The following PSMC2 variants were observed in gnomAD, a reference collection of about 807,000 sequenced individuals.
PSMC2 encodes the protein proteasome 26S subunit, ATPase 2.
A neutral mutation model predicts 53.3 loss-of-function variants in PSMC2; 7 were observed. The observed-to-expected ratio is 0.13, with a 90% CI of 0.07 to 0.25. PSMC2 has a LOEUF of 0.25. PSMC2 is among the 10% of genes least tolerant of loss of function. PSMC2 has a pLI of 1.00. For missense variants in PSMC2, 241 were observed against 544.0 expected (o/e 0.44, Z 5.54); for synonymous variants, 169 against 183.9 (o/e 0.92, Z 0.66).
chr7:103,365,097 C>CCTAA (rs1228465596), intron 8 of PSMC2, among the ~76,000 whole-genome samples: 2 of 151,010 alleles, frequency 1.3e-5, no homozygotes, highest in African/African-American at 4.9e-5. Flanking sequence ...CCTTTTATTC[C>CCTAA]CTAACTAAAA....
At position 103,353,942 on chromosome 7, in the gene PSMC2, C is replaced by T. The variant is rs776196601; in HGVS notation, c.92C>T (p.Ala31Val). 1 of 1,602,072 alleles carries T rather than the reference C, an allele frequency of 6.2e-7. No homozygotes were observed. Among genetic ancestry groups the T allele is most frequent in the South Asian group, 1.1e-5 (1 of 89,438 alleles). ...PIRALDEGDI[A>V]LLKTYGQSTY... The stretch of plus-strand genomic sequence containing the variant: ...TCAGCTCTGGATGAGGGGGATATTG[C>T]CTTGTTGAAAACTTATGTAAGTCCT... Residue 31 changes from alanine (A) to valine (V), a missense_variant, in exon 2 of 12, where the codon GCC (alanine) becomes GTC (valine). Coordinates refer to ENST00000292644, the MANE Select transcript of PSMC2 (RefSeq NM_002803.4).
chr7:103,369,395 ACT>A (rs1466049346), downstream of PSMC2: 2 of 152,204 alleles, frequency 1.3e-5, no homozygotes, highest in Non-Finnish European at 2.9e-5. Context: ...TTTAGAACAC[ACT>A]CTGAAGTCTT....
chr7:103,347,924 G>T, intron 1 of PSMC2, 143 bp downstream of exon 1: 1 of 818,074 alleles, frequency 1.2e-6, no homozygotes, highest in Non-Finnish European at 2.0e-6. Context: ...GACACCGGCC[G>T]GATTAACTTG....
intron 1 of PSMC2, among the ~76,000 whole-genome samples, chr7:103,352,215 T>TAAAAAAAAA (rs769618353): frequency 1.7e-4 from 7 of 40,622 alleles, no homozygotes; most frequent in Non-Finnish European, 3.0e-4. Flanking sequence ...CATACTTAGT[T>TAAAAAAAAA]AAAAAAAAAA....
chr7:103,355,528 G>A (rs943647795), intron 3 of PSMC2, among the ~76,000 whole-genome samples, 166 bp from the exon 4 acceptor site: 3 of 151,816 alleles, frequency 2.0e-5, no homozygotes, highest in Non-Finnish European at 4.4e-5. Context: ...TGCTGCTGGC[G>A]TCTAGTGGTG....
At chr7:103,348,723 G>A in intron 1 of PSMC2, 1 of 1,566,760 alleles carries the variant, frequency 6.4e-7, no homozygotes. Context: ...TGTGCCGCCA[G>A]TGTTTTTGTC....
At chr7:103,354,352 A>C (rs937821124) in intron 2 of PSMC2, among the ~76,000 whole-genome samples, 1 of 151,750 alleles carries the variant, frequency 6.6e-6, no homozygotes, top group African/African-American at 2.4e-5. Context: ...AGTTTTGCAT[A>C]ATTTCACACA....
At chr7:103,357,602 C>A (rs1459620399) in intron 4 of PSMC2, among the ~76,000 whole-genome samples, 1 of 152,174 alleles carries the variant, frequency 6.6e-6, no homozygotes, top group Non-Finnish European at 1.5e-5. Flanking sequence ...CCTTTCCTAT[C>A]CCCTCATCCT....
Position 103,367,828 on chromosome 7 carries a change from C to T in PSMC2, c.1144+19C>T. 1 of 1,611,770 alleles carries T rather than the reference C, an allele frequency of 6.2e-7. No homozygotes were observed. The highest frequency in any genetic ancestry group is 8.5e-7 in the Non-Finnish European group (1 of 1,179,038). On this transcript the variant is annotated intron_variant, in intron 11 of 11. Coordinates refer to ENST00000292644, the MANE Select transcript of PSMC2 (RefSeq NM_002803.4). This position sits in a 1 kb window ranked among gnomAD's most constrained non-coding sequence, Gnocchi z 6.1. ...AGCACTGGTAAGTAGAAAGTTCTTG[C>T]TTATATTTGCTGGTCTGTCTGCTCA...
chr7:103,366,695 A>C (rs1820736223), intron 9 of PSMC2, among the ~76,000 whole-genome samples: 1 of 152,240 alleles, frequency 6.6e-6, no homozygotes, highest in Non-Finnish European at 1.5e-5. Flanking sequence ...ATGTCATAAG[A>C]AAGCACTGGG....
Position 103,355,696 on chromosome 7 carries a change from A to G in PSMC2, c.193A>G (p.Ile65Val). ...LLKKINELTG[I>V]KESDTGLAPP... The stretch of plus-strand genomic sequence containing the variant: ...TTTTGTCATCTTTCTCTATGTAGGT[A>G]TTAAAGAATCTGACACTGGCCTGGC... Residue 65 changes from isoleucine to valine, a missense_variant and splice_region_variant, in exon 4 of 12, where the codon ATT becomes GTT. Transcript: ENST00000292644. 1 of 1,611,550 alleles carries G rather than the reference A, an allele frequency of 6.2e-7. No individual in the cohort carries two copies. The highest frequency in any genetic ancestry group is 8.5e-7 in the Non-Finnish European group (1 of 1,177,700).
At chr7:103,357,211 A>T (rs1820085187) in intron 4 of PSMC2, among the ~76,000 whole-genome samples, 1 of 151,902 alleles carries the variant, frequency 6.6e-6, no homozygotes, top group African/African-American at 2.4e-5. Context: ...TTGTAATCCC[A>T]GCTACTGGAG....
chr7:103,358,982 G>A (rs1478414168), intron 4 of PSMC2, among the ~76,000 whole-genome samples: 3 of 149,140 alleles, frequency 2.0e-5, no homozygotes, highest in Non-Finnish European at 4.5e-5. Flanking sequence ...TTTTTAGCTT[G>A]TGAATTTTTT....
At chr7:103,348,578 C>A in intron 1 of PSMC2, 1 of 887,960 alleles carries the variant, frequency 1.1e-6, no homozygotes, top group Middle Eastern at 3.3e-4. Context: ...GTACCTTTTA[C>A]CTCGTTGCAC....
intron 1 of PSMC2, among the ~76,000 whole-genome samples, chr7:103,351,490 T>C (rs929652596): frequency 6.6e-6 from 1 of 152,236 alleles, no homozygotes; most frequent in Non-Finnish European, 1.5e-5. Flanking sequence ...GTTGGTAATG[T>C]AGGCATCTCT....
rs1820759763 is a variant in PSMC2 at position 103,367,164 on chromosome 7, A to T, written c.845-249A>T. On this transcript the variant is annotated intron_variant, in intron 9 of 11. Transcript: ENST00000292644. The surrounding 1 kb of genome is among the most constrained non-coding windows in gnomAD (Gnocchi z 6.1). The stretch of plus-strand genomic sequence containing the variant: ...GTAATAAATGTGGTAGACTTTGAAA[A>T]CACTAAACTGCCCCATAGGCAGTTT... 6.6e-6 allele frequency among the ~76,000 whole-genome samples: 1 copy of T among 152,184 alleles called. No homozygotes were observed. Among genetic ancestry groups the T allele is most frequent in the Non-Finnish European group, 1.5e-5 (1 of 68,042 alleles).
intron 1 of PSMC2, among the ~76,000 whole-genome samples, chr7:103,351,869 A>G (rs1270257026): frequency 6.6e-6 from 1 of 151,902 alleles, no homozygotes. Flanking sequence ...GTCATTTGCC[A>G]TGTGCTGTAG....
intron 1 of PSMC2, chr7:103,352,767 C>CA (rs1819793550): frequency 1.3e-6 from 1 of 751,120 alleles, no homozygotes; most frequent in Non-Finnish European, 2.5e-6. Context: ...AAAGAGAAAA[C>CA]AAAGTTCAGA....
chr7:103,354,254 T>A (rs1018047117), intron 2 of PSMC2, among the ~76,000 whole-genome samples: 2 of 152,176 alleles, frequency 1.3e-5, no homozygotes, highest in African/African-American at 4.8e-5. Context: ...TATTGAAAGA[T>A]ATTTGAAATC....
Sources: allele counts gnomAD v4.1 joint callset (sites outside exome capture counted in the v4.1 genomes callset), GRCh38; gene constraint gnomAD v4.1.1; non-coding constraint Gnocchi (gnomAD v3.1); transcripts MANE v1.5; gene names NCBI Gene and HGNC (gene_info 2026-07-23, HGNC 2026-07-21).